ARHGAP42: variants seen among roughly 807,000 people sequenced by gnomAD.
ARHGAP42 encodes Rho GTPase activating protein 42.
In ARHGAP42, 63 loss-of-function variants were observed where a neutral mutation model predicts 125.0. The observed-to-expected ratio is 0.50, with a 90% confidence interval of 0.41 to 0.62. ARHGAP42 has a LOEUF of 0.62. ARHGAP42 is among the 20% of genes least tolerant of loss of function. The pLI is 0.00. For synonymous variants in ARHGAP42, 339 were observed against 351.0 expected, an observed-to-expected ratio of 0.97 and a Z score of 0.38; for missense variants, 766 against 1,024.2, an observed-to-expected ratio of 0.75 and a Z score of 3.44.
chr11:100,854,527 C>A (rs1865281792), intron 3 of ARHGAP42, among the ~76,000 whole-genome samples: 1 of 152,108 alleles, frequency 6.6e-6, no homozygotes, highest in South Asian at 2.1e-4. Context: ...CGTTTGCTCA[C>A]ATTAAAGTGT....
At chr11:100,732,159 G>C (rs1313450177) in intron 1 of ARHGAP42, among the ~76,000 whole-genome samples, 1 of 151,986 alleles carries the variant, frequency 6.6e-6, no homozygotes, top group East Asian at 1.9e-4. Flanking sequence ...GTTTCTCCAT[G>C]CTGGTCAGGC....
chr11:100,837,666 CTTTTTTTTTTTTT>C lies in ARHGAP42; in HGVS notation c.313-21869_313-21857del, dbSNP rs373059302. On this transcript the variant is annotated intron_variant, in intron 3 of 23. Coordinates refer to ENST00000298815, the MANE Select transcript of ARHGAP42 (RefSeq NM_152432.4). ...CAGTTCCCAGAATCTAGGTGTCATC[CTTTTTTTTTTTTT>C]TTTTTTTTTTTTTTTTTTAGTAAAT... Among the ~76,000 whole-genome samples, 166 of 61,080 alleles carry C rather than the reference CTTTTTTTTTTTTT, an allele frequency of 2.7e-3. 2 individuals are homozygous for C. Among genetic ancestry groups the C allele is most frequent in the Admixed American group, 4.3e-3 (22 of 5,158 alleles). The allele number at this position is 61,080 out of a possible 152,430, so 40.1% of individuals were successfully genotyped here. A position where few individuals can be genotyped will look rare whatever the true frequency, so the allele number is the denominator to read the frequency against.
At chr11:100,936,420 G>A (rs1237796293) in intron 8 of ARHGAP42, 88 bp downstream of exon 8, 2 of 1,482,264 alleles carry the variant, frequency 1.3e-6, no homozygotes, top group East Asian at 2.5e-5. Flanking sequence ...CCTTCAAGTA[G>A]GAGGACTGAA....
chr11:100,708,275 G>T (rs962446407), intron 1 of ARHGAP42, among the ~76,000 whole-genome samples: 2 of 152,192 alleles, frequency 1.3e-5, no homozygotes, highest in African/African-American at 4.8e-5. Context: ...ACTTTGAAAG[G>T]TCTAGGTAGG....
At chr11:100,794,344 C>T (rs1206695899) in intron 2 of ARHGAP42, among the ~76,000 whole-genome samples, 1 of 152,040 alleles carries the variant, frequency 6.6e-6, no homozygotes, top group Non-Finnish European at 1.5e-5. Context: ...TGATCTTTCC[C>T]ATTTCAATTT....
At chr11:100,906,644 TTA>T (rs892783215) in intron 4 of ARHGAP42, among the ~76,000 whole-genome samples, 8 of 152,192 alleles carry the variant, frequency 5.3e-5, no homozygotes, top group Non-Finnish European at 1.0e-4. Flanking sequence ...CTTGATTTTA[TTA>T]TCTCTCATTC....
intron 3 of ARHGAP42, among the ~76,000 whole-genome samples, chr11:100,834,176 C>G (rs1429377216): frequency 6.6e-6 from 1 of 152,076 alleles, no homozygotes; most frequent in Non-Finnish European, 1.5e-5. Context: ...CTGTGGCTGA[C>G]AAGATTTACA....
At chr11:100,782,594 A>C (rs530480343) in intron 2 of ARHGAP42, among the ~76,000 whole-genome samples, 1 of 152,266 alleles carries the variant, frequency 6.6e-6, no homozygotes, top group South Asian at 2.1e-4. Context: ...GAAAACAAGA[A>C]TAGAGTTGAA....
chr11:100,837,176 C>T (rs1385390211), intron 3 of ARHGAP42, among the ~76,000 whole-genome samples: 1 of 152,082 alleles, frequency 6.6e-6, no homozygotes, highest in East Asian at 1.9e-4. Context: ...TTTCAACCAC[C>T]ATGCTTTTTT....
rs1378460001 is a variant in ARHGAP42, at chr11:100,965,765, G to A, written c.1539G>A (p.Lys513=). The A allele has an allele frequency of 2.6e-6, 4 of 1,550,668 alleles. No homozygotes were observed. Among genetic ancestry groups the A allele is most frequent in the Non-Finnish European group, 3.5e-6 (4 of 1,146,272 alleles). ...KNREMLDILI[K]HLVKVSLHSQ... is the part of the protein sequence containing the mutation. ...GAGAGATGCTGGACATCTTAATAAA[G>A]CATCTGGTCAAGTAATTCTCTAACT... Residue 513 remains lysine, a synonymous_variant, in exon 17 of 24, where the codon AAG becomes AAA. Coordinates refer to ENST00000298815, the MANE Select transcript of ARHGAP42 (RefSeq NM_152432.4).
In ARHGAP42 at chr11:100,987,032, C is replaced by A. The variant is rs1465421718; in HGVS notation, c.2457-481C>A. Among the ~76,000 whole-genome samples the A allele has an allele frequency of 3.9e-5, 6 of 152,156 alleles. No homozygotes were observed. The East Asian group carries it at 1.2e-3, about 29-fold the overall frequency. On this transcript the variant is annotated intron_variant, in intron 22 of 23. Transcript: ENST00000298815. ...GGTTGCCATTTATCATCAACTTATC[C>A]TATTATTTTTCCTATATCACGCCCA...
chr11:100,875,105 CTCTGTGTGTGTG>C (rs1211223759), intron 4 of ARHGAP42, among the ~76,000 whole-genome samples: 99 of 49,258 alleles, frequency 2.0e-3, no homozygotes, highest in East Asian at 7.1e-3. Context: ...CTCTCTCTCT[CTCTGTGTGTGTG>C]TGTGTGTGTG....
intron 7 of ARHGAP42, among the ~76,000 whole-genome samples, chr11:100,935,677 C>CACAGAGAG (rs143859109): frequency 2.7e-4 from 39 of 146,708 alleles, no homozygotes; most frequent in African/African-American, 9.0e-4. Context: ...CACACACACA[C>CACAGAGAG]AGAGAGAGAG....
In ARHGAP42 at chr11:100,812,750, G is replaced by A. The variant is rs553794036; in HGVS notation, c.312+17584G>A. 8.7e-4 allele frequency among the ~76,000 whole-genome samples: 132 copies of A among 152,310 alleles called. 1 individual carries two copies. The highest frequency in any genetic ancestry group is 3.1e-3 in the African/African-American group (127 of 41,578). On this transcript the variant is annotated intron_variant, in intron 3 of 23. Coordinates refer to ENST00000298815, the MANE Select transcript of ARHGAP42 (RefSeq NM_152432.4). ...TTGAGGAGGAGCATAGGCAAATATGGCTAAAGCACAGGAACAAATGGGAAA... is the reference window on the plus strand; with the variant it reads ...TTGAGGAGGAGCATAGGCAAATATGACTAAAGCACAGGAACAAATGGGAAA...
At chr11:100,719,905 A>G (rs1861731328) in intron 1 of ARHGAP42, among the ~76,000 whole-genome samples, 1 of 152,186 alleles carries the variant, frequency 6.6e-6, no homozygotes, top group African/African-American at 2.4e-5. Context: ...TCTGTATCCT[A>G]GGCAGTTTTC....
intron 3 of ARHGAP42, among the ~76,000 whole-genome samples, chr11:100,827,663 G>T (rs1864555539): frequency 6.6e-6 from 1 of 152,214 alleles, no homozygotes; most frequent in Non-Finnish European, 1.5e-5. Context: ...CCACAGGAGA[G>T]GCACTGCCCA....
intron 3 of ARHGAP42, among the ~76,000 whole-genome samples, chr11:100,850,972 C>T (rs1865191582): frequency 6.6e-6 from 1 of 150,608 alleles, no homozygotes; most frequent in Admixed American, 6.6e-5. Context: ...ACCTCCGCCA[C>T]CCAGGTTCAA....
chr11:100,749,491 C>A (rs1274719498), intron 1 of ARHGAP42, among the ~76,000 whole-genome samples: 1 of 150,318 alleles, frequency 6.7e-6, no homozygotes, highest in Non-Finnish European at 1.5e-5. Context: ...CCTGGCCTGC[C>A]CCGGAAGGCT....
chr11:100,915,644 G>T (rs535363116), intron 5 of ARHGAP42, among the ~76,000 whole-genome samples: 6 of 152,116 alleles, frequency 3.9e-5, no homozygotes, highest in Non-Finnish European at 8.8e-5. Context: ...CTTAGGCTAT[G>T]GTATAATAGA....
Sources: gnomAD v4.1 joint callset for allele counts (sites outside exome capture counted in the v4.1 genomes callset) on GRCh38, gnomAD v4.1.1 for gene constraint, MANE v1.5 for transcripts, NCBI Gene and HGNC (gene_info 2026-07-23, HGNC 2026-07-21) for gene names.